The following NMBR variants were observed in gnomAD, a reference collection of about 807,000 sequenced individuals.
The protein encoded by NMBR is neuromedin-B receptor.
A neutral mutation model predicts 20.5 loss-of-function variants in NMBR; 16 were observed. That is an observed-to-expected ratio of 0.78 (90% CI 0.53 to 1.19). The LOEUF is 1.19. Among genes scored for constraint, NMBR ranks in the 50% most tolerant of loss-of-function variants. NMBR has a pLI of 0.00. For missense variants in NMBR, 582 were observed against 499.1 expected (o/e 1.17, Z -1.58); for synonymous variants, 212 against 196.6 (o/e 1.08, Z -0.65).
At chr6:142,110,346 T>TA (rs1293543655) in intron 1 of NMBR, among the ~76,000 whole-genome samples, 2 of 152,172 alleles carry the variant, frequency 1.3e-5, no homozygotes. Context: ...ATGAATGGAT[T>TA]AAATAAAACA....
At position 142,088,550 on chromosome 6, in the gene NMBR, T is replaced by C. The variant is rs1411833896; in HGVS notation, c.109A>G (p.Thr37Ala). The C allele has an allele frequency of 3.1e-6, 5 of 1,613,906 alleles. No homozygotes were observed. The highest frequency in any genetic ancestry group is 4.2e-6 in the Non-Finnish European group (5 of 1,179,990). Residue 37 changes from threonine to alanine, a missense_variant, in exon 2 of 4, where the codon ACC becomes GCC. Coordinates refer to ENST00000258042, the MANE Select transcript of NMBR (RefSeq NM_002511.4). ...ACACAGCGGATCACCAACTCCGTGG[T>C]GGTCCCGTCCGAGGCCGGCAGGAAA... ...RDFLPASDGT[T>A]TELVIRCVIP...
chr6:142,104,444 G>A (rs1777621133), intron 1 of NMBR, among the ~76,000 whole-genome samples: 1 of 152,028 alleles, frequency 6.6e-6, no homozygotes, highest in African/African-American at 2.4e-5. Context: ...ATGCTTTAGG[G>A]GCTTTCTGCA....
At chr6:142,081,788 C>T (rs1210784260) in intron 2 of NMBR, among the ~76,000 whole-genome samples, 1 of 152,114 alleles carries the variant, frequency 6.6e-6, no homozygotes, top group Non-Finnish European at 1.5e-5. Flanking sequence ...AAGTGTTTCA[C>T]TGTGTATATT....
At chr6:142,097,842 G>A (rs1777486825) in intron 1 of NMBR, among the ~76,000 whole-genome samples, 1 of 151,876 alleles carries the variant, frequency 6.6e-6, no homozygotes, top group Non-Finnish European at 1.5e-5. Context: ...GCATATTAAG[G>A]AGAGACATGA....
chr6:142,078,907 G>T lies in NMBR; in HGVS notation c.423-4C>A. 1.3e-6 allele frequency: 2 copies of T among 1,551,160 alleles called. No homozygotes were observed. The highest frequency in any genetic ancestry group is 2.3e-5 in the East Asian group (1 of 43,794). On this transcript the variant is annotated splice_region_variant and splice_polypyrimidine_tract_variant and intron_variant, in intron 2 of 3. Transcript: ENST00000258042. Reference sequence around the variant, plus strand: ...GGGGTTAACGATGGCTCTGTACCTGGGAAAATGATACATCTCAAGTTATTC... The same window carrying T: ...GGGGTTAACGATGGCTCTGTACCTGTGAAAATGATACATCTCAAGTTATTC...
chr6:142,127,230 T>A (rs564513041), intron 1 of NMBR, among the ~76,000 whole-genome samples: 2 of 152,048 alleles, frequency 1.3e-5, no homozygotes, highest in East Asian at 3.9e-4. Context: ...TTTCCCAGCA[T>A]GATTTGTTGT....
Sources: gnomAD v4.1 joint callset for allele counts (sites outside exome capture counted in the v4.1 genomes callset) on GRCh38, gnomAD v4.1.1 for gene constraint, MANE v1.5 for transcripts, NCBI Gene and HGNC (gene_info 2026-07-23, HGNC 2026-07-21) for gene names.